Variants in DOCK9 observed in about 807,000 individuals in gnomAD.
DOCK9 encodes dedicator of cytokinesis 9.
Under a neutral mutation model 263.3 loss-of-function variants are expected in DOCK9, and 89 were observed. That is an observed-to-expected ratio of 0.34 (90% CI 0.28 to 0.40). The LOEUF is 0.40. DOCK9 is among the 10% of genes least tolerant of loss of function. The probability of loss-of-function intolerance (pLI) is 1.00; values close to 1 mark genes in which losing one functional copy is unlikely to be tolerated. For missense variants in DOCK9, 2,140 were observed against 2,603.4 expected (o/e 0.82, Z 3.87); for synonymous variants, 976 against 973.1 (o/e 1.00, Z -0.06).
chr13:98,994,895 T>C (rs1470364399), intron 1 of DOCK9, among the ~76,000 whole-genome samples: 1 of 152,282 alleles, frequency 6.6e-6, no homozygotes, highest in East Asian at 1.9e-4. Context: ...TTCTAGAAGC[T>C]CAAAAATATT....
chr13:98,848,329 C>T (rs1336313449), intron 37 of DOCK9, among the ~76,000 whole-genome samples: 5 of 151,958 alleles, frequency 3.3e-5, no homozygotes, highest in South Asian at 4.2e-4. Context: ...GGAGTTTGGA[C>T]GAGAGGATGG....
At chr13:98,933,372 T>TG (rs1235051877) in intron 2 of DOCK9, among the ~76,000 whole-genome samples, 2 of 150,576 alleles carry the variant, frequency 1.3e-5, no homozygotes, top group African/African-American at 5.0e-5. Flanking sequence ...TGTTCTCACT[T>TG]GGAAAAAAAA....
At chr13:99,084,849 C>T (rs573206190) in intron 1 of DOCK9, among the ~76,000 whole-genome samples, 1 of 152,310 alleles carries the variant, frequency 6.6e-6, no homozygotes, top group South Asian at 2.1e-4. Flanking sequence ...CATGCACTGG[C>T]AAAACTCAGG....
At chr13:98,867,325 A>G (rs2094055920) in intron 30 of DOCK9, 100 bp downstream of exon 30, 4 of 765,060 alleles carry the variant, frequency 5.2e-6, no homozygotes, top group Non-Finnish European at 8.5e-6. Context: ...AATGAAAAAA[A>G]TCAGAAAATT....
intron 52 of DOCK9, chr13:98,796,230 G>A (rs1214664441): frequency 6.3e-7 from 1 of 1,584,352 alleles, no homozygotes; most frequent in South Asian, 1.2e-5. Context: ...GTGTTAGCAT[G>A]GAGGAGAAAA....
At chr13:98,807,926 A>C in intron 47 of DOCK9, 119 bp from the exon 48 acceptor site, 1 of 795,734 alleles carries the variant, frequency 1.3e-6, no homozygotes, top group African/African-American at 1.7e-5. Flanking sequence ...TCCTGCTGAA[A>C]TGGGCTTTCT....
At chr13:98,896,041 G>T (rs1019641379) in intron 15 of DOCK9, among the ~76,000 whole-genome samples, 2 of 152,134 alleles carry the variant, frequency 1.3e-5, no homozygotes, top group Non-Finnish European at 2.9e-5. Flanking sequence ...AATTCCCTAC[G>T]TGAGCTGTGA....
chr13:98,823,589 A>G (rs1314548368), intron 45 of DOCK9, among the ~76,000 whole-genome samples: 1 of 152,230 alleles, frequency 6.6e-6, no homozygotes, highest in Non-Finnish European at 1.5e-5. Flanking sequence ...GGGCAGGATT[A>G]AAAAGCTTTC....
intron 1 of DOCK9, chr13:99,015,956 G>A: frequency 4.6e-6 from 1 of 218,172 alleles, no homozygotes; most frequent in Non-Finnish European, 8.0e-6. Context: ...CTGGAAAACT[G>A]CCGGCTCCTG....
intron 48 of DOCK9, among the ~76,000 whole-genome samples, chr13:98,805,540 A>G (rs2090604950): frequency 6.6e-6 from 1 of 152,194 alleles, no homozygotes; most frequent in Admixed American, 6.5e-5. Context: ...CTATAACCGC[A>G]ATACATTATC....
At chr13:98,897,954 G>A (rs967603826) in intron 14 of DOCK9, among the ~76,000 whole-genome samples, 4 of 152,188 alleles carry the variant, frequency 2.6e-5, no homozygotes, top group African/African-American at 9.6e-5. Context: ...CAGCTCTGCA[G>A]CTAACACTAC....
chr13:98,976,932 G>A lies in DOCK9; in HGVS notation c.126+852C>T, dbSNP rs544298037. Among the ~76,000 whole-genome samples, 3 of 93,306 alleles carry A rather than the reference G, an allele frequency of 3.2e-5. No homozygotes were observed. In the South Asian group the frequency reaches 1.7e-3, roughly 53 times the overall value. The allele number at this position is 93,306 out of a possible 152,430, so 61.2% of individuals were successfully genotyped here. On this transcript the variant is annotated intron_variant, in intron 1 of 52. Coordinates refer to ENST00000682017, the MANE Select transcript of DOCK9 (RefSeq NM_001366683.2). ...ATGGTAACATCAACTGAACCTCCACGTTAAAGAAAAAAAAAAATCACTAAA... is the reference window on the plus strand; with the variant it reads ...ATGGTAACATCAACTGAACCTCCACATTAAAGAAAAAAAAAAATCACTAAA...
intron 1 of DOCK9, among the ~76,000 whole-genome samples, chr13:99,031,164 G>C (rs2142063829): frequency 6.6e-6 from 1 of 151,286 alleles, no homozygotes; most frequent in Middle Eastern, 3.4e-3. Flanking sequence ...TTAATTTCTG[G>C]TGCTTTTATA....
At chr13:98,949,314 A>G (rs1294375252) in intron 2 of DOCK9, among the ~76,000 whole-genome samples, 4 of 152,214 alleles carry the variant, frequency 2.6e-5, no homozygotes, top group African/African-American at 9.6e-5. Flanking sequence ...CAAGTCTTCA[A>G]AACAAGGCCC....
chr13:99,053,888 T>G (rs2040810238), intron 1 of DOCK9, among the ~76,000 whole-genome samples: 1 of 152,118 alleles, frequency 6.6e-6, no homozygotes, highest in East Asian at 1.9e-4. Flanking sequence ...CCAGGAGGTT[T>G]TGGAAGCAGG....
chr13:98,962,459 G>A (rs948701297), intron 1 of DOCK9, among the ~76,000 whole-genome samples: 12 of 152,168 alleles, frequency 7.9e-5, no homozygotes, highest in African/African-American at 2.4e-4. Flanking sequence ...GTGTCCACAC[G>A]AATGCTGACG....
At chr13:98,844,066 GTTCTGTTTATCAGTGGGGA>G (rs1411806010) in intron 38 of DOCK9, among the ~76,000 whole-genome samples, 1 of 152,184 alleles carries the variant, frequency 6.6e-6, no homozygotes, top group Non-Finnish European at 1.5e-5. Context: ...GGTCCAGCAG[GTTCTGTTTATCAGTGGGGA>G]TTGAATTTCT....
intron 1 of DOCK9, among the ~76,000 whole-genome samples, chr13:99,018,891 C>T (rs1327748768): frequency 6.6e-6 from 1 of 151,932 alleles, no homozygotes; most frequent in African/African-American, 2.4e-5. Context: ...GACTAAATGT[C>T]TGCCTTTGAA....
At chr13:98,967,515 G>A (rs1263746595) in intron 1 of DOCK9, among the ~76,000 whole-genome samples, 3 of 152,318 alleles carry the variant, frequency 2.0e-5, no homozygotes, top group African/African-American at 7.2e-5. Context: ...CTGGCCCCAA[G>A]ACCAGGACCT....
Sources: allele counts gnomAD v4.1 joint callset (sites outside exome capture counted in the v4.1 genomes callset), GRCh38; gene constraint gnomAD v4.1.1; transcripts MANE v1.5; gene names NCBI Gene and HGNC (gene_info 2026-07-23, HGNC 2026-07-21).